The following TYR variants were observed in gnomAD, a reference collection of about 807,000 sequenced individuals.
TYR encodes the protein LB24-AB.
Under a neutral mutation model 51.5 loss-of-function variants are expected in TYR, and 58 were observed. That is an observed-to-expected ratio of 1.13 (90% CI 0.91 to 1.40). TYR has a LOEUF of 1.40. Ranked by LOEUF, TYR falls within the 40% of genes most tolerant of loss-of-function variation. TYR has a pLI of 0.00. For missense variants in TYR, 732 were observed against 647.4 expected (o/e 1.13, Z -1.42); for synonymous variants, 263 against 235.2 (o/e 1.12, Z -1.08).
chr11:89,208,582 T>A (rs559118578), intron 2 of TYR, among the ~76,000 whole-genome samples: 180 of 152,334 alleles, frequency 1.2e-3, no homozygotes, highest in African/African-American at 4.2e-3. Flanking sequence ...TTTCTGCCAA[T>A]TTGAGATGAA....
chr11:89,295,093 C>T lies in TYR; in HGVS notation c.1367-50C>T, dbSNP rs138904520. 4.2e-5 allele frequency: 68 copies of T among 1,602,302 alleles called. No individual in the cohort carries two copies. In the African/African-American group the frequency reaches 7.8e-4, roughly 18 times the overall value. ...GTGAAAGGATGAAGATGATGGTGAT[C>T]GTAACAATGGTGGTAACAATAAAAA... On this transcript the variant is annotated intron_variant, in intron 4 of 4. Coordinates refer to ENST00000263321, the MANE Select transcript of TYR (RefSeq NM_000372.5).
intron 3 of TYR, among the ~76,000 whole-genome samples, chr11:89,260,544 C>T (rs542259037): frequency 3.9e-5 from 6 of 152,138 alleles, no homozygotes; most frequent in African/African-American, 1.4e-4. Flanking sequence ...AGACTTCCTC[C>T]AACCATGCTA....
At chr11:89,186,047 G>T (rs1240008116) in intron 1 of TYR, among the ~76,000 whole-genome samples, 1 of 152,068 alleles carries the variant, frequency 6.6e-6, no homozygotes, top group Admixed American at 6.6e-5. Context: ...TTAAAGAATG[G>T]GTAGGATATT....
intron 2 of TYR, among the ~76,000 whole-genome samples, chr11:89,196,200 TC>T (rs1943516822): frequency 6.6e-6 from 1 of 152,208 alleles, no homozygotes; most frequent in African/African-American, 2.4e-5. Context: ...ATCATTAACT[TC>T]TCTGGCAATT....
At chr11:89,290,963 T>A (rs1430983787) in intron 4 of TYR, among the ~76,000 whole-genome samples, 4 of 152,068 alleles carry the variant, frequency 2.6e-5, no homozygotes, top group Non-Finnish European at 5.9e-5. Flanking sequence ...AGTACGGACT[T>A]CCTCATTTAC....
intron 3 of TYR, among the ~76,000 whole-genome samples, chr11:89,262,316 C>A (rs1231176489): frequency 1.3e-5 from 2 of 152,034 alleles, no homozygotes; most frequent in African/African-American, 4.8e-5. Context: ...GCCTTGGCCT[C>A]CCAAAGTGCT....
At chr11:89,223,290 G>C (rs1943936733) in intron 2 of TYR, among the ~76,000 whole-genome samples, 1 of 152,032 alleles carries the variant, frequency 6.6e-6, no homozygotes, top group Non-Finnish European at 1.5e-5. Flanking sequence ...GATATATATG[G>C]GCACTATTTT....
At position 89,178,326 on chromosome 11, in the gene TYR, G is replaced by T. The variant is rs13312741; in HGVS notation, c.373G>T (p.Asp125Tyr). The T allele has an allele frequency of 2.2e-5, 35 of 1,614,050 alleles. No homozygotes were observed. The East Asian group carries it at 7.6e-4, about 35-fold the overall frequency. ...ACTCTTGGTGAGAAGAAACATCTTCGATTTGAGTGCCCCAGAGAAGGACAA... is the reference window on the plus strand; with the variant it reads ...ACTCTTGGTGAGAAGAAACATCTTCTATTTGAGTGCCCCAGAGAAGGACAA... Reference protein sequence around the residue: ...RRLLVRRNIFDLSAPEKDKFF... With the variant: ...RRLLVRRNIFYLSAPEKDKFF... Residue 125 changes from aspartate to tyrosine, a missense_variant, in exon 1 of 5, where the codon GAT becomes TAT. Physicochemically the swap from Asp to Tyr is radical, Grantham distance 160. Coordinates refer to ENST00000263321, the MANE Select transcript of TYR (RefSeq NM_000372.5).
chr11:89,185,277 T>C (rs997852872), intron 1 of TYR, among the ~76,000 whole-genome samples: 1 of 152,148 alleles, frequency 6.6e-6, no homozygotes, highest in Non-Finnish European at 1.5e-5. Context: ...ATCTCCCTTA[T>C]GGCCTAGGAC....
intron 3 of TYR, among the ~76,000 whole-genome samples, chr11:89,253,018 A>T (rs977762261): frequency 6.6e-6 from 1 of 151,810 alleles, no homozygotes; most frequent in African/African-American, 2.4e-5. Context: ...TCTCTATATT[A>T]CATGACTTTA....
In TYR at chr11:89,227,579, C is replaced by T. The variant is rs192156062; in HGVS notation, c.1037-244C>T. ...GAACAGGAGGGAACACAAATTGGCT[C>T]AACCTCTTTTACCTGGTTAAGCTCT... is the stretch of plus-strand genomic sequence containing the variant. On this transcript the variant is annotated intron_variant, in intron 2 of 4. Coordinates refer to ENST00000263321, the MANE Select transcript of TYR (RefSeq NM_000372.5). 5.0e-4 allele frequency among the ~76,000 whole-genome samples: 76 copies of T among 152,284 alleles called. 1 individual carries two copies. Among genetic ancestry groups the T allele is most frequent in the African/African-American group, 1.7e-3 (71 of 41,566 alleles).
intron 3 of TYR, among the ~76,000 whole-genome samples, chr11:89,233,103 C>G (rs1436497630): frequency 6.9e-6 from 1 of 143,904 alleles, no homozygotes; most frequent in Admixed American, 6.9e-5. Context: ...TTCTGAAAGC[C>G]TGCTGCTGCT....
At chr11:89,209,767 G>C (rs1440164351) in intron 2 of TYR, among the ~76,000 whole-genome samples, 1 of 152,090 alleles carries the variant, frequency 6.6e-6, no homozygotes, top group African/African-American at 2.4e-5. Flanking sequence ...CCAGAGGAAG[G>C]ATCGGGCAGC....
chr11:89,287,380 GT>G (rs973537358), intron 4 of TYR, among the ~76,000 whole-genome samples: 59 of 150,926 alleles, frequency 3.9e-4, no homozygotes, highest in African/African-American at 1.2e-3. Context: ...ATCACACCAG[GT>G]TTTTTTTTAT....
intron 2 of TYR, among the ~76,000 whole-genome samples, chr11:89,213,605 A>C (rs561254920): frequency 2.6e-5 from 4 of 152,302 alleles, no homozygotes; most frequent in African/African-American, 9.6e-5. Context: ...ATCATATGGA[A>C]CCAAAAAGAG....
intron 1 of TYR, among the ~76,000 whole-genome samples, chr11:89,188,712 G>C (rs868254467): frequency 2.0e-5 from 3 of 152,030 alleles, no homozygotes; most frequent in Non-Finnish European, 2.9e-5. Flanking sequence ...TAGATGTTTA[G>C]TGTAGATTTC....
At chr11:89,192,095 C>G (rs1207133770) in intron 2 of TYR, 1 of 379,938 alleles carries the variant, frequency 2.6e-6, no homozygotes, top group African/African-American at 2.2e-5. Context: ...CTCTCATTAT[C>G]CCTTAAGTTT....
chr11:89,178,809 G>A (rs763935436), intron 1 of TYR, 37 bp downstream of exon 1: 1 of 1,605,796 alleles, frequency 6.2e-7, no homozygotes, highest in East Asian at 2.2e-5. Context: ...AGAGTAGGGA[G>A]GAACCTTAAC....
intron 4 of TYR, among the ~76,000 whole-genome samples, chr11:89,291,980 C>A (rs994244122): frequency 1.3e-5 from 2 of 151,932 alleles, no homozygotes; most frequent in African/African-American, 4.8e-5. Context: ...ACAGTTCAAC[C>A]AAATAGTATG....
Sources: gnomAD v4.1 joint callset for allele counts (sites outside exome capture counted in the v4.1 genomes callset) on GRCh38, gnomAD v4.1.1 for gene constraint, MANE v1.5 for transcripts, NCBI Gene and HGNC (gene_info 2026-07-23, HGNC 2026-07-21) for gene names.